Variants in NRXN3 observed in about 807,000 individuals in gnomAD.
NRXN3 encodes neurexin III.
A neutral mutation model predicts 137.6 loss-of-function variants in NRXN3; 32 were observed. The ratio of observed to expected loss-of-function variants is 0.23; its 90% CI spans 0.18 to 0.31. NRXN3 has a LOEUF of 0.31. NRXN3 is among the 10% of genes least tolerant of loss of function. NRXN3 has a pLI of 1.00. For missense variants in NRXN3, 1,574 were observed against 2,062.5 expected, an observed-to-expected ratio of 0.76 and a Z score of 4.59; for synonymous variants, 798 against 784.5, an observed-to-expected ratio of 1.02 and a Z score of -0.29.
At chr14:78,703,233 A>G (rs906915890) in intron 6 of NRXN3, among the ~76,000 whole-genome samples, 1 of 152,244 alleles carries the variant, frequency 6.6e-6, no homozygotes, top group African/African-American at 2.4e-5. Context: ...GTACAAAGAT[A>G]ACAAAGTTGA....
intron 15 of NRXN3, chr14:79,280,560 C>A: frequency 6.2e-7 from 1 of 1,601,498 alleles, no homozygotes. Context: ...TGCTCTTTAT[C>A]CTTTTAATGG....
At chr14:78,277,238 C>T (rs548198531) in intron 2 of NRXN3, among the ~76,000 whole-genome samples, 63 of 152,260 alleles carry the variant, frequency 4.1e-4, no homozygotes, top group African/African-American at 1.2e-3. Context: ...GTTTCATTAT[C>T]GGTTGGCATG....
intron 2 of NRXN3, among the ~76,000 whole-genome samples, chr14:78,273,544 CCATTTCTGAGGGTCTCAT>C (rs757371042): frequency 4.6e-5 from 7 of 152,154 alleles, no homozygotes; most frequent in Admixed American, 6.5e-5. Context: ...TGCTGCCTCC[CCATTTCTGAGGGTCTCAT>C]CTATACAGCT....
chr14:78,934,769 A>G (rs920384922), intron 10 of NRXN3, among the ~76,000 whole-genome samples: 2 of 151,176 alleles, frequency 1.3e-5, no homozygotes, highest in Non-Finnish European at 2.9e-5. Context: ...GTGAGAACAC[A>G]TGGACACAGG....
chr14:79,131,934 C>T (rs1483536346), intron 15 of NRXN3, among the ~76,000 whole-genome samples: 2 of 152,242 alleles, frequency 1.3e-5, no homozygotes, highest in Non-Finnish European at 2.9e-5. Context: ...GGGAGTGACC[C>T]GATTTTCCAG....
intron 1 of NRXN3, among the ~76,000 whole-genome samples, chr14:78,225,431 A>G (rs538250722): frequency 6.6e-6 from 1 of 152,120 alleles, no homozygotes; most frequent in Non-Finnish European, 1.5e-5. Flanking sequence ...TCCTTTGCCC[A>G]CTTTTTGATG....
intron 4 of NRXN3, among the ~76,000 whole-genome samples, chr14:78,637,621 A>T (rs1411965735): frequency 6.6e-6 from 1 of 152,226 alleles, no homozygotes; most frequent in East Asian, 1.9e-4. Context: ...AATAAGCTAG[A>T]GTTCCATAGA....
At chr14:78,830,413 T>C (rs566716220) in intron 10 of NRXN3, among the ~76,000 whole-genome samples, 2 of 152,270 alleles carry the variant, frequency 1.3e-5, no homozygotes, top group South Asian at 2.1e-4. Flanking sequence ...TTATTAAAGA[T>C]GTCTAAATGC....
chr14:78,708,906 G>A (rs1042011477), intron 6 of NRXN3, among the ~76,000 whole-genome samples: 3 of 152,202 alleles, frequency 2.0e-5, no homozygotes, highest in African/African-American at 7.2e-5. Flanking sequence ...TGAAGTATGT[G>A]AATCCATGCA....
chr14:78,181,718 C>T (rs1162750298), intron 1 of NRXN3, among the ~76,000 whole-genome samples: 3 of 152,172 alleles, frequency 2.0e-5, no homozygotes, highest in African/African-American at 4.8e-5. Flanking sequence ...CCTGAGTCTT[C>T]CCCCTGGGAT....
intron 4 of NRXN3, among the ~76,000 whole-genome samples, chr14:78,475,607 C>T (rs2095364958): frequency 6.6e-6 from 1 of 152,134 alleles, no homozygotes; most frequent in South Asian, 2.1e-4. Context: ...GAATAGAGCA[C>T]AGCCAAAGCC....
intron 1 of NRXN3, among the ~76,000 whole-genome samples, chr14:78,225,715 A>T (rs1487643667): frequency 6.6e-6 from 1 of 152,044 alleles, no homozygotes; most frequent in Non-Finnish European, 1.5e-5. Flanking sequence ...AGAACTTCTT[A>T]TGGCTTCCCG....
chr14:79,722,211 T>C (rs2098847055), intron 19 of NRXN3, among the ~76,000 whole-genome samples: 1 of 152,090 alleles, frequency 6.6e-6, no homozygotes, highest in South Asian at 2.1e-4. Context: ...TTGTGTTCCT[T>C]CTGACTTTAG....
chr14:78,508,343 A>G (rs2096036761), intron 4 of NRXN3, among the ~76,000 whole-genome samples: 1 of 152,360 alleles, frequency 6.6e-6, no homozygotes, highest in Middle Eastern at 3.4e-3. Context: ...ATTATGGTAT[A>G]TAATCACAGG....
chr14:78,763,393 G>A (rs375495550), intron 8 of NRXN3, among the ~76,000 whole-genome samples: 5 of 152,112 alleles, frequency 3.3e-5, no homozygotes, highest in African/African-American at 1.2e-4. Flanking sequence ...ACCTTGAAAT[G>A]TTGTTGTAAG....
intron 8 of NRXN3, among the ~76,000 whole-genome samples, chr14:78,791,961 A>G (rs555296870): frequency 2.8e-4 from 43 of 152,284 alleles, no homozygotes; most frequent in African/African-American, 1.0e-3. Context: ...TGTCTGAACA[A>G]TTAGGAACTC....
intron 10 of NRXN3, among the ~76,000 whole-genome samples, chr14:78,897,302 A>C (rs554589160): frequency 2.0e-5 from 3 of 151,946 alleles, no homozygotes; most frequent in Non-Finnish European, 4.4e-5. Context: ...TGAATGAAAA[A>C]ATGCATATTT....
chr14:79,748,282 T>G (rs922136035), intron 19 of NRXN3, among the ~76,000 whole-genome samples: 1 of 152,106 alleles, frequency 6.6e-6, no homozygotes, highest in African/African-American at 2.4e-5. Flanking sequence ...CTTAAAGTTA[T>G]AAGGGAGGGT....
chr14:79,546,553 G>A (rs1234320293), intron 16 of NRXN3, among the ~76,000 whole-genome samples: 2 of 152,132 alleles, frequency 1.3e-5, no homozygotes, highest in Non-Finnish European at 2.9e-5. Context: ...TGGTATGGCT[G>A]TTTTTAATAA....
Sources: allele counts gnomAD v4.1 joint callset (sites outside exome capture counted in the v4.1 genomes callset), GRCh38; gene constraint gnomAD v4.1.1; transcripts MANE v1.5; gene names NCBI Gene and HGNC (gene_info 2026-07-23, HGNC 2026-07-21).